Variants in MICALL1 observed in about 807,000 individuals in gnomAD.
The protein encoded by MICALL1 is MICAL-like protein 1.
MICALL1 carries 61 observed loss-of-function variants against 83.7 expected under a neutral mutation model. The observed-to-expected ratio is 0.73, with a 90% CI of 0.59 to 0.90. The LOEUF is 0.90. MICALL1 is among the 40% of genes least tolerant of loss of function. MICALL1 has a pLI of 0.00. For synonymous variants in MICALL1, 481 were observed against 473.6 expected (o/e 1.02, Z -0.20); for missense variants, 1,066 against 1,152.0 (o/e 0.93, Z 1.08).
Position 37,940,974 on chromosome 22 carries a change from C to T in MICALL1, c.*144C>T. On this transcript the variant is annotated 3_prime_UTR_variant, in exon 16 of 16. Coordinates refer to ENST00000215957, the MANE Select transcript of MICALL1 (RefSeq NM_033386.4). Reference sequence around the variant, plus strand: ...GGATCCTCTGGGTGATGGCCTCTTCCTCCTCAGGGACCTCTGACTGCTCTG... The same window carrying T: ...GGATCCTCTGGGTGATGGCCTCTTCTTCCTCAGGGACCTCTGACTGCTCTG... 1 of 1,014,370 alleles carries T rather than the reference C, an allele frequency of 9.9e-7. No individual in the cohort carries two copies. Among genetic ancestry groups the T allele is most frequent in the Non-Finnish European group, 1.4e-6 (1 of 704,220 alleles). The allele number at this position is 1,014,370 out of a possible 1,614,324, so 62.8% of individuals were successfully genotyped here. A position where few individuals can be genotyped will look rare whatever the true frequency, so the allele number is the denominator to read the frequency against.
At chr22:37,911,787 A>G (rs878857742) in intron 1 of MICALL1, among the ~76,000 whole-genome samples, 165 bp from the exon 2 acceptor site, 1 of 152,002 alleles carries the variant, frequency 6.6e-6, no homozygotes, top group Admixed American at 6.6e-5. Context: ...TTGCTGCCTC[A>G]GTTTCCCCCT....
intron 5 of MICALL1, among the ~76,000 whole-genome samples, chr22:37,919,635 C>CAAAA (rs34083064): frequency 5.0e-5 from 3 of 59,650 alleles, no homozygotes; most frequent in African/African-American, 6.9e-5. Flanking sequence ...GACTCTGTCT[C>CAAAA]AAAAAAAAAA....
intron 6 of MICALL1, among the ~76,000 whole-genome samples, 167 bp downstream of exon 6, chr22:37,922,593 ATATATATATTTTTTTTTT>A (rs200936902): frequency 0.016 from 1,325 of 81,762 alleles, 21 homozygotes; most frequent in African/African-American, 0.06. Context: ...ATATATATAT[ATATATATATTTTTTTTTT>A]TTTTTTTTTT....
intron 15 of MICALL1, among the ~76,000 whole-genome samples, chr22:37,939,398 T>G (rs1179856930): frequency 6.6e-6 from 1 of 152,298 alleles, no homozygotes; most frequent in East Asian, 1.9e-4. Flanking sequence ...GACAGATGAT[T>G]TTGAAGGTTT....
In MICALL1 at chr22:37,925,783, T is replaced by C. The variant is rs1339936550; in HGVS notation, c.1205T>C (p.Val402Ala). 1 of 1,612,616 alleles carries C rather than the reference T, an allele frequency of 6.2e-7. No individual in the cohort carries two copies. The change falls in exon 8 of 16, where the codon GTG becomes GCG. Residue 402 changes from valine (V) to alanine (A), a missense_variant. Val to Ala is a moderately conservative substitution (Grantham distance 64). Transcript: ENST00000215957. ...PGPPSQDSRQ[V>A]ENGGTEEVAQ... ...CCACCAAGCCAGGACAGCAGGCAGG[T>C]GGAGAATGGAGGCACCGAGGAGGTG...
In MICALL1 at chr22:37,932,657, G is replaced by A. The variant is rs765309722; in HGVS notation, c.2121G>A (p.Glu707=). The A allele has an allele frequency of 2.5e-6, 4 of 1,613,932 alleles. No homozygotes were observed. The highest frequency in any genetic ancestry group is 3.3e-5 in the Admixed American group (2 of 60,000). Residue 707 remains glutamate (E), a synonymous_variant, in exon 11 of 16, where the codon GAG becomes GAA. Coordinates refer to ENST00000215957, the MANE Select transcript of MICALL1 (RefSeq NM_033386.4). The surrounding 1 kb of genome is among the most constrained non-coding windows in gnomAD (Gnocchi z 4.4). Reference sequence around the variant, plus strand: ...AGCACCGTGGGGTGCTGCTGGAGGAGAAGCTGCGTGGCGGCCTGAATGGTG... The same window carrying A: ...AGCACCGTGGGGTGCTGCTGGAGGAAAAGCTGCGTGGCGGCCTGAATGGTG... ...ALEHRGVLLE[E]KLRGGLNEGR...
At chr22:37,938,071 G>A (rs923212186) in intron 15 of MICALL1, among the ~76,000 whole-genome samples, 3 of 152,146 alleles carry the variant, frequency 2.0e-5, no homozygotes, top group Non-Finnish European at 4.4e-5. Flanking sequence ...GGGTGGATTT[G>A]CCCTCAGCTG....
In MICALL1 at chr22:37,925,518, G is replaced by C. The variant is rs1929362952; in HGVS notation, c.1083-143G>C. ...TGACTGTAACATTCCATTTCAGACTGTCCCCATGGGGATGGGGGTGGGAGA... is the reference window on the plus strand; with the variant it reads ...TGACTGTAACATTCCATTTCAGACTCTCCCCATGGGGATGGGGGTGGGAGA... On this transcript the variant is annotated intron_variant, in intron 7 of 15. Coordinates refer to ENST00000215957, the MANE Select transcript of MICALL1 (RefSeq NM_033386.4). The C allele has an allele frequency of 2.2e-5, 14 of 622,714 alleles. No individual in the cohort carries two copies. The South Asian group carries it at 2.8e-4, about 12-fold the overall frequency. 38.6% of individuals were successfully genotyped at this position (622,714 alleles called of 1,614,324 possible).
chr22:37,919,992 A>C (rs1165706967), intron 5 of MICALL1, among the ~76,000 whole-genome samples: 1 of 152,078 alleles, frequency 6.6e-6, no homozygotes, highest in Non-Finnish European at 1.5e-5. Flanking sequence ...GTCTCAAAAA[A>C]AAAATCTTTT....
At chr22:37,933,159 G>A (rs770795678) in intron 13 of MICALL1, 47 bp downstream of exon 13, 2 of 1,589,944 alleles carry the variant, frequency 1.3e-6, no homozygotes, top group Non-Finnish European at 1.7e-6. Flanking sequence ...CTGGGGCCTG[G>A]TGACACGGAG....
At chr22:37,923,684 G>A (rs534743944) in intron 6 of MICALL1, among the ~76,000 whole-genome samples, 1 of 152,330 alleles carries the variant, frequency 6.6e-6, no homozygotes, top group Admixed American at 6.5e-5. Context: ...GTTCTTGTGG[G>A]CTTTAGTTTC....
chr22:37,927,206 C>A (rs558609130), intron 8 of MICALL1: 5 of 559,574 alleles, frequency 8.9e-6, no homozygotes, highest in Non-Finnish European at 1.5e-5. Context: ...GCAAGGCGGG[C>A]GGGTTGGACT....
chr22:37,940,196 G>T (rs141168043), intron 15 of MICALL1, among the ~76,000 whole-genome samples: 10,235 of 151,884 alleles, frequency 0.067, 424 homozygotes, highest in East Asian at 0.096. Flanking sequence ...AGGCTGAGGC[G>T]GGGGGGATCA....
At chr22:37,910,094 G>A (rs1405671856) in intron 1 of MICALL1, among the ~76,000 whole-genome samples, 1 of 152,222 alleles carries the variant, frequency 6.6e-6, no homozygotes, top group South Asian at 2.1e-4. Context: ...CCAGAGCCAA[G>A]TAGAACTCCG....
intron 9 of MICALL1, 95 bp from the exon 10 acceptor site, chr22:37,931,704 G>A: frequency 6.7e-7 from 1 of 1,496,806 alleles, no homozygotes; most frequent in Non-Finnish European, 9.1e-7. Flanking sequence ...GCCCTGGAGT[G>A]CTGGCCTGCT....
intron 8 of MICALL1, 35 bp from the exon 9 acceptor site, chr22:37,927,375 TC>T (rs1210502021): frequency 2.6e-6 from 4 of 1,520,326 alleles, no homozygotes; most frequent in Non-Finnish European, 3.5e-6. Flanking sequence ...CTTGTGGTGC[TC>T]CCCTTGTGAG....
At chr22:37,935,095 G>C (rs1930032329) in intron 13 of MICALL1, among the ~76,000 whole-genome samples, 1 of 147,600 alleles carries the variant, frequency 6.8e-6, no homozygotes, top group African/African-American at 2.5e-5. Context: ...ACCCCGCCCG[G>C]CTAATTGTTT....
At chr22:37,911,871 G>C in intron 1 of MICALL1, 81 bp from the exon 2 acceptor site, 1 of 1,380,580 alleles carries the variant, frequency 7.2e-7, no homozygotes, top group Non-Finnish European at 1.0e-6. Flanking sequence ...TCTCTGTTCA[G>C]CTCCTTTCTG....
chr22:37,932,618 G>T lies in MICALL1; in HGVS notation c.2082G>T (p.Arg694=). The T allele has an allele frequency of 1.9e-6, 3 of 1,614,180 alleles. No individual in the cohort carries two copies. The highest frequency in any genetic ancestry group is 3.3e-5 in the Admixed American group (2 of 60,032). ...GAGAGATGGATACCATTGAGCGCCG[G>T]CTGGATGCCCTGGAGCACCGTGGGG... The part of the protein sequence containing the change: ...IHGEMDTIER[R]LDALEHRGVL... Residue 694 remains arginine (R), a synonymous_variant, in exon 11 of 16, where the codon CGG becomes CGT. Transcript: ENST00000215957. This position sits in a 1 kb window ranked among gnomAD's most constrained non-coding sequence, Gnocchi z 4.4.
Sources: gnomAD v4.1 joint callset for allele counts (sites outside exome capture counted in the v4.1 genomes callset) on GRCh38, gnomAD v4.1.1 for gene constraint, Gnocchi (gnomAD v3.1) non-coding constraint, MANE v1.5 for transcripts, NCBI Gene and HGNC (gene_info 2026-07-23, HGNC 2026-07-21) for gene names.